Variants in TTC38 observed in about 807,000 individuals in gnomAD.
TTC38 encodes the protein tetratricopeptide repeat protein 38.
In TTC38, 64 loss-of-function variants were observed where a neutral mutation model predicts 64.2. That is an observed-to-expected ratio of 1.00 (90% CI 0.81 to 1.23). The LOEUF (loss-of-function observed/expected upper bound fraction) is 1.23. Among genes scored for constraint, TTC38 ranks in the 50% most tolerant of loss-of-function variants. TTC38 has a pLI of 0.00. For missense variants in TTC38, 573 were observed against 615.5 expected, an observed-to-expected ratio of 0.93 and a Z score of 0.73; for synonymous variants, 254 against 249.3, an observed-to-expected ratio of 1.02 and a Z score of -0.18.
rs1250577557 is a variant in TTC38, at chr22:46,291,222, C to T, written c.1316+1323C>T. ...CATGCGTGTTTCTTTGGTGGTCAAGCCCCCTGGGGAGCTCAGGCTGTGGTG... is the reference window on the plus strand; with the variant it reads ...CATGCGTGTTTCTTTGGTGGTCAAGTCCCCTGGGGAGCTCAGGCTGTGGTG... On this transcript the variant is annotated intron_variant, in intron 13 of 13. Transcript: ENST00000381031. This position sits in a 1 kb window ranked among gnomAD's most constrained non-coding sequence, Gnocchi z 4.6. Among the ~76,000 whole-genome samples the T allele has an allele frequency of 7.9e-5, 12 of 152,218 alleles. No homozygotes were observed.
In TTC38 at chr22:46,272,832, CAG is replaced by C. The variant is rs547022854; in HGVS notation, c.193+417_193+418del. Among the ~76,000 whole-genome samples the C allele has an allele frequency of 3.0e-4, 46 of 152,256 alleles. No homozygotes were observed. Among genetic ancestry groups the C allele is most frequent in the Non-Finnish European group, 5.9e-4 (40 of 68,028 alleles). The stretch of plus-strand genomic sequence containing the variant: ...GAGAGGTGGCTGCTGCAGCCTCCGT[CAG>C]GGGACCAGTGAGGCCTCATCCAGAG... On this transcript the variant is annotated intron_variant, in intron 3 of 13. Coordinates refer to ENST00000381031, the MANE Select transcript of TTC38 (RefSeq NM_017931.4). This position sits in a 1 kb window ranked among gnomAD's most constrained non-coding sequence, Gnocchi z 6.4.
chr22:46,278,397 T>G (rs890271069), intron 5 of TTC38, among the ~76,000 whole-genome samples, 189 bp from the exon 6 acceptor site: 3 of 152,330 alleles, frequency 2.0e-5, no homozygotes, highest in Admixed American at 6.5e-5. Flanking sequence ...CACCAGTCAT[T>G]GCGTTAGGGC....
rs2077628352 is a variant in TTC38, at chr22:46,293,123, T to G, written c.*239T>G. On this transcript the variant is annotated 3_prime_UTR_variant, in exon 14 of 14. Coordinates refer to ENST00000381031, the MANE Select transcript of TTC38 (RefSeq NM_017931.4). The surrounding 1 kb of genome is among the most constrained non-coding windows in gnomAD (Gnocchi z 6.6). Reference sequence around the variant, plus strand: ...TTTCAGCAGTCACAGCCAGTGTGAGTGCTGCTCTTTCCACCTGCCTTGCAA... The same window carrying G: ...TTTCAGCAGTCACAGCCAGTGTGAGGGCTGCTCTTTCCACCTGCCTTGCAA... The G allele has an allele frequency of 2.0e-6, 1 of 489,810 alleles. No individual in the cohort carries two copies. Among genetic ancestry groups the G allele is most frequent in the Non-Finnish European group, 3.8e-6 (1 of 266,438 alleles). The allele number at this position is 489,810 out of a possible 1,614,324, so 30.3% of individuals were successfully genotyped here.
rs182191206 is a variant in TTC38 at position 46,274,157 on chromosome 22, G to A, written c.365+88G>A. Reference sequence around the variant, plus strand: ...ATCCCTTTCCTGATGCCCTTGGGACGGGGGCGGGGTGGGAGAATGCTTCTC... The same window carrying A: ...ATCCCTTTCCTGATGCCCTTGGGACAGGGGCGGGGTGGGAGAATGCTTCTC... On this transcript the variant is annotated intron_variant, in intron 4 of 13. Coordinates refer to ENST00000381031, the MANE Select transcript of TTC38 (RefSeq NM_017931.4). This position sits in a 1 kb window ranked among gnomAD's most constrained non-coding sequence, Gnocchi z 4.8. 1.8e-3 allele frequency: 1,941 copies of A among 1,062,862 alleles called. 41 individuals carry two copies. The highest frequency in any genetic ancestry group is 2.1e-3 in the Non-Finnish European group (1,572 of 733,238). The allele number at this position is 1,062,862 out of a possible 1,614,324, so 65.8% of individuals were successfully genotyped here. A position where few individuals can be genotyped will look rare whatever the true frequency, so the allele number is the denominator to read the frequency against.
chr22:46,268,051 C>G lies in TTC38; in HGVS notation c.12C>G (p.Ala4=). MAA[A]SPLRDCQAWK... Reference sequence around the variant, plus strand: ...CGACCCGGCGCAACATGGCCGCAGCCTCGCCTCTGCGCGACTGCCAGGTAC... The same window carrying G: ...CGACCCGGCGCAACATGGCCGCAGCGTCGCCTCTGCGCGACTGCCAGGTAC... The change falls in exon 1 of 14, where the codon GCC becomes GCG. Residue 4 remains alanine, a synonymous_variant. Transcript: ENST00000381031. 6.5e-7 allele frequency: 1 copy of G among 1,543,216 alleles called. No individual in the cohort carries two copies. Among genetic ancestry groups the G allele is most frequent in the Non-Finnish European group, 8.7e-7 (1 of 1,150,918 alleles).
Position 46,273,763 on chromosome 22 carries a change from C to A in TTC38, c.194-135C>A. 1 of 798,296 alleles carries A rather than the reference C, an allele frequency of 1.3e-6. No individual in the cohort carries two copies. The highest frequency in any genetic ancestry group is 2.7e-5 in the East Asian group (1 of 37,568). The allele number at this position is 798,296 out of a possible 1,614,324, so 49.5% of individuals were successfully genotyped here. On this transcript the variant is annotated intron_variant, in intron 3 of 13. Transcript: ENST00000381031. The surrounding 1 kb of genome is among the most constrained non-coding windows in gnomAD (Gnocchi z 5.1). Reference sequence around the variant, plus strand: ...GCTGAGTTCTAGACAGTAGGCAGGGCCACAGTGCCCAGCCTGCTGCTGCCT... The same window carrying A: ...GCTGAGTTCTAGACAGTAGGCAGGGACACAGTGCCCAGCCTGCTGCTGCCT...
At chr22:46,277,041 A>G (rs1393212589) in intron 5 of TTC38, among the ~76,000 whole-genome samples, 1 of 57,424 alleles carries the variant, frequency 1.7e-5, no homozygotes, top group African/African-American at 1.4e-4. Flanking sequence ...ATACATATAT[A>G]TACATACACA....
At position 46,271,311 on chromosome 22, in the gene TTC38, C is replaced by G. The variant is rs1176987466; in HGVS notation, c.112-1024C>G. ...GCTGGAGTGCAGTGGCGCCTGGGTTCACGCCATTCTCCTGCCTCAGCCTCC... is the reference window on the plus strand; with the variant it reads ...GCTGGAGTGCAGTGGCGCCTGGGTTGACGCCATTCTCCTGCCTCAGCCTCC... On this transcript the variant is annotated intron_variant, in intron 2 of 13. Coordinates refer to ENST00000381031, the MANE Select transcript of TTC38 (RefSeq NM_017931.4). This position sits in a 1 kb window ranked among gnomAD's most constrained non-coding sequence, Gnocchi z 5.5. Among the ~76,000 whole-genome samples, 2 of 150,998 alleles carry G rather than the reference C, an allele frequency of 1.3e-5. No individual in the cohort carries two copies. The highest frequency in any genetic ancestry group is 3.0e-5 in the Non-Finnish European group (2 of 67,740).
Position 46,291,344 on chromosome 22 carries a change from T to G in TTC38, c.1316+1445T>G, listed in dbSNP as rs1163819746. On this transcript the variant is annotated intron_variant, in intron 13 of 13. Coordinates refer to ENST00000381031, the MANE Select transcript of TTC38 (RefSeq NM_017931.4). The surrounding 1 kb of genome is among the most constrained non-coding windows in gnomAD (Gnocchi z 4.6). ...AGCTGGGGTGACATCTGTGGGGCAG[T>G]GCGGCAGTGCCGATGTGGCCTTCTG... Among the ~76,000 whole-genome samples the G allele has an allele frequency of 6.6e-6, 1 of 151,690 alleles. No individual in the cohort carries two copies. Among genetic ancestry groups the G allele is most frequent in the Non-Finnish European group, 1.5e-5 (1 of 67,914 alleles).
intron 10 of TTC38, among the ~76,000 whole-genome samples, 161 bp downstream of exon 10, chr22:46,287,315 C>T (rs114963309): frequency 3.9e-5 from 6 of 152,356 alleles, no homozygotes; most frequent in African/African-American, 1.4e-4. Flanking sequence ...TCTGCAGCTG[C>T]CTCCCAGCTG....
chr22:46,279,491 G>A (rs1000078050), intron 6 of TTC38, among the ~76,000 whole-genome samples: 4 of 152,188 alleles, frequency 2.6e-5, no homozygotes, highest in African/African-American at 7.2e-5. Flanking sequence ...TGGCAGAGCC[G>A]GATTCTACCC....
chr22:46,271,866 A>G lies in TTC38; in HGVS notation c.112-469A>G, dbSNP rs1042278778. ...AAATGCAGCATCCCTAGCCCTAGAA[A>G]GTGTGCCTTGGGTGATGTGTATTTC... On this transcript the variant is annotated intron_variant, in intron 2 of 13. Coordinates refer to ENST00000381031, the MANE Select transcript of TTC38 (RefSeq NM_017931.4). This position sits in a 1 kb window ranked among gnomAD's most constrained non-coding sequence, Gnocchi z 5.5. 6.6e-6 allele frequency among the ~76,000 whole-genome samples: 1 copy of G among 152,204 alleles called. No homozygotes were observed. The highest frequency in any genetic ancestry group is 1.5e-5 in the Non-Finnish European group (1 of 68,044).
Position 46,273,419 on chromosome 22 carries a change from G to A in TTC38, c.194-479G>A, listed in dbSNP as rs1041391267. Among the ~76,000 whole-genome samples, 1 of 152,222 alleles carries A rather than the reference G, an allele frequency of 6.6e-6. No homozygotes were observed. Among genetic ancestry groups the A allele is most frequent in the Non-Finnish European group, 1.5e-5 (1 of 68,020 alleles). On this transcript the variant is annotated intron_variant, in intron 3 of 13. Coordinates refer to ENST00000381031, the MANE Select transcript of TTC38 (RefSeq NM_017931.4). This position sits in a 1 kb window ranked among gnomAD's most constrained non-coding sequence, Gnocchi z 5.1. ...GGCCTGCACTCCTGCCAGCAAGGCTGCTGCGAGGGCCACAAGGCACTCACC... is the reference window on the plus strand; with the variant it reads ...GGCCTGCACTCCTGCCAGCAAGGCTACTGCGAGGGCCACAAGGCACTCACC...
chr22:46,284,065 C>G, intron 8 of TTC38, 33 bp downstream of exon 8: 1 of 1,559,316 alleles, frequency 6.4e-7, no homozygotes, highest in Non-Finnish European at 8.8e-7. Flanking sequence ...CTGTCTTATC[C>G]TATAAAGATG....
chr22:46,288,282 G>T (rs1021059267), intron 10 of TTC38, 141 bp from the exon 11 acceptor site: 5 of 760,688 alleles, frequency 6.6e-6, no homozygotes, highest in Non-Finnish European at 1.1e-5. Flanking sequence ...GACGCTGCCC[G>T]TGGCCCTGCC....
At position 46,281,592 on chromosome 22, in the gene TTC38, TGC is replaced by T. The variant is rs2077535275; in HGVS notation, c.616-5_616-4del. On this transcript the variant is annotated splice_polypyrimidine_tract_variant and splice_region_variant and intron_variant, in intron 6 of 13. Transcript: ENST00000381031. The surrounding 1 kb of genome is among the most constrained non-coding windows in gnomAD (Gnocchi z 5.2). ...ATCTGGAATCCTCTTCCCCGCACCC[TGC>T]GTAGGCTTTATCTATTAACCCGACA... The T allele has an allele frequency of 6.3e-7, 1 of 1,595,826 alleles. No homozygotes were observed. The highest frequency in any genetic ancestry group is 1.4e-5 in the African/African-American group (1 of 73,926).
chr22:46,293,542 G>C lies in TTC38; in HGVS notation c.*658G>C, dbSNP rs1290840445. On this transcript the variant is annotated 3_prime_UTR_variant, in exon 14 of 14. Coordinates refer to ENST00000381031, the MANE Select transcript of TTC38 (RefSeq NM_017931.4). The surrounding 1 kb of genome is among the most constrained non-coding windows in gnomAD (Gnocchi z 6.6). ...CTGGGGCGAGTCTTGGAGCCCCCTG[G>C]GGGGCTCTGTTGGTGCTGATTTGGA... The C allele has an allele frequency of 2.0e-5, 3 of 152,252 alleles. No individual in the cohort carries two copies. The highest frequency in any genetic ancestry group is 6.5e-5 in the Admixed American group (1 of 15,294). 9.4% of individuals were successfully genotyped at this position (152,252 alleles called of 1,614,324 possible).
chr22:46,288,875 C>A (rs538748773), intron 11 of TTC38, among the ~76,000 whole-genome samples: 6 of 152,234 alleles, frequency 3.9e-5, no homozygotes, highest in Non-Finnish European at 8.8e-5. Flanking sequence ...GGCTGCCTCC[C>A]GTGGAGAGGA....
At chr22:46,269,154 TG>T in intron 2 of TTC38, 1 of 435,424 alleles carries the variant, frequency 2.3e-6, no homozygotes, top group Non-Finnish European at 4.7e-6. Context: ...CTCTGAGTGG[TG>T]GGTGGACAGC....
Sources: allele counts gnomAD v4.1 joint callset (sites outside exome capture counted in the v4.1 genomes callset), GRCh38; gene constraint gnomAD v4.1.1; non-coding constraint Gnocchi (gnomAD v3.1); transcripts MANE v1.5; gene names NCBI Gene and HGNC (gene_info 2026-07-23, HGNC 2026-07-21).